Variants in PPP1R9A observed in about 807,000 individuals in gnomAD.
PPP1R9A encodes neurabin-1.
In PPP1R9A, 59 loss-of-function variants were observed where a neutral mutation model predicts 141.9. That is an observed-to-expected ratio of 0.42 (90% CI 0.34 to 0.52). The LOEUF is 0.52. PPP1R9A is among the 20% of genes least tolerant of loss of function. PPP1R9A has a pLI of 0.10. For missense variants in PPP1R9A, 1,444 were observed against 1,611.9 expected (o/e 0.90, Z 1.78); for synonymous variants, 500 against 569.7 (o/e 0.88, Z 1.74).
At chr7:94,912,277 T>C (rs1791541182) in intron 2 of PPP1R9A, among the ~76,000 whole-genome samples, 2 of 152,320 alleles carry the variant, frequency 1.3e-5, no homozygotes, top group South Asian at 4.1e-4. Context: ...TATGGAAGAA[T>C]AGCACAAAGT....
At chr7:95,263,419 TTGTTGTTGC>T (rs199568193) in intron 12 of PPP1R9A, among the ~76,000 whole-genome samples, 73 of 109,324 alleles carry the variant, frequency 6.7e-4, no homozygotes, top group African/African-American at 1.3e-3. Flanking sequence ...CAGTTTGTTG[TTGTTGTTGC>T]TGTTGTTGTT....
intron 12 of PPP1R9A, among the ~76,000 whole-genome samples, chr7:95,261,069 T>C (rs1274232099): frequency 6.6e-6 from 1 of 152,168 alleles, no homozygotes; most frequent in Non-Finnish European, 1.5e-5. Context: ...GATATCAGGG[T>C]AGAGGGATCT....
At chr7:95,220,555 A>G (rs1250558243) in intron 7 of PPP1R9A, among the ~76,000 whole-genome samples, 4 of 152,086 alleles carry the variant, frequency 2.6e-5, no homozygotes, top group Non-Finnish European at 5.9e-5. Flanking sequence ...TGAGATTAAC[A>G]GGAAAATCAG....
At chr7:95,213,343 CAG>C (rs1233407021) in intron 7 of PPP1R9A, among the ~76,000 whole-genome samples, 2 of 130,664 alleles carry the variant, frequency 1.5e-5, no homozygotes, top group South Asian at 2.4e-4. Context: ...TTTTTGGAGA[CAG>C]AGTTTTGCTC....
At position 94,910,298 on chromosome 7, in the gene PPP1R9A, A is replaced by T; in HGVS notation, c.185A>T (p.Asn62Ile). ...AGCAGGGGGAGGAAATATGGCTCCA[A>T]TGTCAACAGAATTAAAAACCTATTT... ...QQSRGRKYGS[N>I]VNRIKNLFMQ... Residue 62 changes from asparagine to isoleucine, a missense_variant, in exon 2 of 20, where the codon AAT becomes ATT. This residue lies in a region of PPP1R9A where 490 missense variants were observed against 521.1 expected (regional missense o/e 0.94). Coordinates refer to ENST00000433360, the MANE Select transcript of PPP1R9A (RefSeq NM_001166160.2). The surrounding 1 kb of genome is among the most constrained non-coding windows in gnomAD (Gnocchi z 4.5). 6.2e-7 allele frequency: 1 copy of T among 1,614,100 alleles called. No homozygotes were observed. The highest frequency in any genetic ancestry group is 8.5e-7 in the Non-Finnish European group (1 of 1,180,012).
At chr7:95,142,955 T>C (rs896995044) in intron 4 of PPP1R9A, among the ~76,000 whole-genome samples, 1 of 152,160 alleles carries the variant, frequency 6.6e-6, no homozygotes, top group Non-Finnish European at 1.5e-5. Context: ...TAATATTATG[T>C]TATTATTTCA....
At chr7:95,172,808 T>C (rs1832326805) in intron 5 of PPP1R9A, among the ~76,000 whole-genome samples, 2 of 151,904 alleles carry the variant, frequency 1.3e-5, no homozygotes, top group Admixed American at 6.6e-5. Context: ...TTTCCCTGCC[T>C]GAAAGCATCA....
intron 2 of PPP1R9A, among the ~76,000 whole-genome samples, chr7:95,050,779 T>G (rs952397751): frequency 1.3e-5 from 2 of 152,140 alleles, no homozygotes; most frequent in African/African-American, 4.8e-5. Context: ...ATAGTTTCAT[T>G]ATAAGTGTGT....
intron 2 of PPP1R9A, among the ~76,000 whole-genome samples, chr7:95,040,718 C>G (rs762869991): frequency 3.2e-4 from 49 of 152,266 alleles, no homozygotes; most frequent in Admixed American, 5.9e-4. Flanking sequence ...CTAGATTTCA[C>G]TAGGCACTTT....
chr7:95,120,950 C>T, intron 4 of PPP1R9A, 118 bp downstream of exon 4: 1 of 1,325,388 alleles, frequency 7.5e-7, no homozygotes, highest in Non-Finnish European at 1.0e-6. Flanking sequence ...TTTCAGGTTT[C>T]TCAGATGTGA....
intron 14 of PPP1R9A, 112 bp from the exon 15 acceptor site, chr7:95,273,787 T>C: frequency 3.9e-6 from 4 of 1,028,228 alleles, no homozygotes; most frequent in Non-Finnish European, 5.6e-6. Context: ...GATTATTTAT[T>C]TTACAATTAG....
At chr7:94,971,888 T>A (rs951389772) in intron 2 of PPP1R9A, among the ~76,000 whole-genome samples, 5 of 152,204 alleles carry the variant, frequency 3.3e-5, no homozygotes, top group Admixed American at 1.3e-4. Flanking sequence ...TCTTCCTAAG[T>A]TTTTCCCTTT....
intron 2 of PPP1R9A, among the ~76,000 whole-genome samples, chr7:95,020,220 A>G (rs1805733545): frequency 6.6e-6 from 1 of 152,188 alleles, no homozygotes; most frequent in Non-Finnish European, 1.5e-5. Flanking sequence ...GGGTACAGTG[A>G]GAATTGGATT....
At chr7:95,236,256 T>C (rs1246218394) in intron 8 of PPP1R9A, among the ~76,000 whole-genome samples, 1 of 152,146 alleles carries the variant, frequency 6.6e-6, no homozygotes, top group Non-Finnish European at 1.5e-5. Flanking sequence ...GACTTAATGA[T>C]GTAGATAAGA....
At chr7:95,088,548 T>C (rs1816929647) in intron 2 of PPP1R9A, among the ~76,000 whole-genome samples, 1 of 151,998 alleles carries the variant, frequency 6.6e-6, no homozygotes, top group African/African-American at 2.4e-5. Context: ...TTTTGGAAGT[T>C]GGAAGTTCGA....
intron 4 of PPP1R9A, among the ~76,000 whole-genome samples, chr7:95,136,609 A>G (rs1040640448): frequency 6.6e-6 from 1 of 152,188 alleles, no homozygotes; most frequent in Non-Finnish European, 1.5e-5. Flanking sequence ...GGGAAAGAGA[A>G]TGGCATATAC....
At chr7:95,219,469 G>C (rs566104014) in intron 7 of PPP1R9A, among the ~76,000 whole-genome samples, 2 of 152,236 alleles carry the variant, frequency 1.3e-5, no homozygotes, top group East Asian at 3.9e-4. Context: ...TTCTCAAGGA[G>C]TATCTTTGTG....
intron 8 of PPP1R9A, among the ~76,000 whole-genome samples, chr7:95,236,414 A>G (rs935921589): frequency 4.6e-5 from 7 of 152,024 alleles, no homozygotes; most frequent in African/African-American, 1.7e-4. Context: ...ACCTTTCATA[A>G]TAATTATTAC....
At chr7:95,168,098 A>C (rs1182221038) in intron 5 of PPP1R9A, among the ~76,000 whole-genome samples, 1 of 152,188 alleles carries the variant, frequency 6.6e-6, no homozygotes, top group Admixed American at 6.6e-5. Context: ...GATTCTGTGC[A>C]AAAAGAACAA....
Sources: gnomAD v4.1 joint callset for allele counts (sites outside exome capture counted in the v4.1 genomes callset) on GRCh38, gnomAD v4.1.1 for gene constraint, gnomAD v4.1.1 regional missense constraint, Gnocchi (gnomAD v3.1) non-coding constraint, MANE v1.5 for transcripts, NCBI Gene and HGNC (gene_info 2026-07-23, HGNC 2026-07-21) for gene names.